The following KHDRBS3 variants were observed in gnomAD, a reference collection of about 807,000 sequenced individuals.
KHDRBS3 encodes KH RNA binding domain containing, signal transduction associated 3, also known as KH domain-containing, RNA-binding, signal transduction-associated protein 3.
A neutral mutation model predicts 45.6 loss-of-function variants in KHDRBS3; 23 were observed. The observed-to-expected ratio is 0.50, with a 90% confidence interval of 0.36 to 0.72. KHDRBS3 has a LOEUF of 0.72. Among genes scored for constraint, KHDRBS3 ranks in the 30% least tolerant of loss-of-function variants. The pLI, the probability that KHDRBS3 is intolerant of heterozygous loss-of-function variation, is 0.00. For synonymous variants in KHDRBS3, 162 were observed against 156.5 expected (o/e 1.04, Z -0.26); for missense variants, 352 against 424.8 (o/e 0.83, Z 1.51).
chr8:135,511,936 G>T (rs1422562710), intron 1 of KHDRBS3, among the ~76,000 whole-genome samples: 1 of 152,106 alleles, frequency 6.6e-6, no homozygotes, highest in African/African-American at 2.4e-5. Context: ...TCCCTAGATG[G>T]TATATTTATG....
At chr8:135,621,859 G>T (rs1263205365) in intron 7 of KHDRBS3, among the ~76,000 whole-genome samples, 3 of 152,116 alleles carry the variant, frequency 2.0e-5, no homozygotes, top group African/African-American at 7.2e-5. Flanking sequence ...TTTTGTGATG[G>T]ACCTTCATAC....
chr8:135,530,813 C>G (rs1429150970), intron 2 of KHDRBS3, among the ~76,000 whole-genome samples: 1 of 152,196 alleles, frequency 6.6e-6, no homozygotes, highest in Non-Finnish European at 1.5e-5. Flanking sequence ...CTGCTTGCCT[C>G]CATCCTTCAG....
downstream of KHDRBS3, among the ~76,000 whole-genome samples, chr8:135,651,402 G>A (rs1228496231): frequency 6.6e-6 from 1 of 151,856 alleles, no homozygotes; most frequent in African/African-American, 2.4e-5. Flanking sequence ...TTCACTCATT[G>A]GTTGCTATAT....
chr8:135,472,657 G>T (rs575298430), intron 1 of KHDRBS3, among the ~76,000 whole-genome samples: 4 of 152,342 alleles, frequency 2.6e-5, no homozygotes, highest in African/African-American at 9.6e-5. Flanking sequence ...TAAGGTTCTG[G>T]ATCACAGCTG....
intron 1 of KHDRBS3, among the ~76,000 whole-genome samples, chr8:135,459,556 A>G (rs941212170): frequency 2.0e-5 from 3 of 152,338 alleles, no homozygotes; most frequent in Middle Eastern, 3.4e-3. Flanking sequence ...TCTCTGTGAA[A>G]GAAATTTCTT....
At chr8:135,476,332 T>C (rs1822282183) in intron 1 of KHDRBS3, among the ~76,000 whole-genome samples, 1 of 152,060 alleles carries the variant, frequency 6.6e-6, no homozygotes, top group South Asian at 2.1e-4. Context: ...TCAGTAGAGA[T>C]GGGGTTTCAC....
At position 135,647,083 on chromosome 8, in the gene KHDRBS3, G is replaced by T; in HGVS notation, c.1040G>T (p.Ter347LeuextTer7). 1 of 1,561,704 alleles carries T rather than the reference G, an allele frequency of 6.4e-7. No homozygotes were observed. The change falls in exon 9 of 9, where the codon TGA becomes TTA. Residue 347 changes from the stop codon to leucine (L), a stop_lost. Coordinates refer to ENST00000355849, the MANE Select transcript of KHDRBS3 (RefSeq NM_006558.3). ...VYRDQPYGRY[*>L] ...AGAGACCAGCCATATGGCAGATACT[G>T]ATTGTACTGTCTGATGTTGTGAAAT...
chr8:135,590,825 A>G (rs1563790843), intron 6 of KHDRBS3, among the ~76,000 whole-genome samples: 1 of 152,232 alleles, frequency 6.6e-6, no homozygotes, highest in African/African-American at 2.4e-5. Flanking sequence ...TCATTTAATT[A>G]TGATTGCATC....
At chr8:135,551,372 A>G (rs1039241556) in intron 4 of KHDRBS3, among the ~76,000 whole-genome samples, 3 of 152,022 alleles carry the variant, frequency 2.0e-5, no homozygotes, top group Non-Finnish European at 1.5e-5. Flanking sequence ...ACCATTGGCT[A>G]TAGGTTTTTT....
intron 4 of KHDRBS3, among the ~76,000 whole-genome samples, chr8:135,553,887 A>T (rs1826741829): frequency 6.6e-6 from 1 of 152,172 alleles, no homozygotes; most frequent in Non-Finnish European, 1.5e-5. Flanking sequence ...AGTTAAAATG[A>T]TAATTTAAAA....
At chr8:135,496,175 A>C (rs1466697602) in intron 1 of KHDRBS3, among the ~76,000 whole-genome samples, 1 of 104,854 alleles carries the variant, frequency 9.5e-6, no homozygotes, top group East Asian at 3.7e-4. Context: ...CTGTAGAGAG[A>C]GGGAAAGGTC....
At chr8:135,500,248 G>C (rs1181647556) in intron 1 of KHDRBS3, among the ~76,000 whole-genome samples, 1 of 151,824 alleles carries the variant, frequency 6.6e-6, no homozygotes, top group Admixed American at 6.6e-5. Flanking sequence ...CCAGGATTTG[G>C]TAGTTTGGTT....
chr8:135,608,281 A>G (rs1475425494), intron 7 of KHDRBS3, among the ~76,000 whole-genome samples: 1 of 152,240 alleles, frequency 6.6e-6, no homozygotes, highest in Non-Finnish European at 1.5e-5. Flanking sequence ...TTTATAAATA[A>G]GTCCTTCTCA....
chr8:135,517,444 A>G (rs1824668836), intron 1 of KHDRBS3, among the ~76,000 whole-genome samples: 1 of 152,090 alleles, frequency 6.6e-6, no homozygotes, highest in African/African-American at 2.4e-5. Flanking sequence ...GGGTTTTTGA[A>G]TATGCAACTC....
intron 7 of KHDRBS3, among the ~76,000 whole-genome samples, chr8:135,626,865 A>G (rs1333992424): frequency 1.4e-5 from 2 of 143,046 alleles, no homozygotes; most frequent in Non-Finnish European, 3.2e-5. Flanking sequence ...TAAGGAAAAC[A>G]TTATTCTCCT....
At position 135,494,395 on chromosome 8, in the gene KHDRBS3, C is replaced by T. The variant is rs1031953668; in HGVS notation, c.89-26842C>T. Among the ~76,000 whole-genome samples the T allele has an allele frequency of 2.0e-5, 3 of 151,018 alleles. No homozygotes were observed. In the South Asian group the frequency reaches 6.3e-4, roughly 32 times the overall value. On this transcript the variant is annotated intron_variant, in intron 1 of 8. Transcript: ENST00000355849. ...CCGGGTTCACGCCATTCTCCTGCCT[C>T]AGCCTCCTGAGTAGCTGGGGCTACA... is the stretch of plus-strand genomic sequence containing the variant.
intron 1 of KHDRBS3, among the ~76,000 whole-genome samples, chr8:135,498,432 C>A (rs1823570270): frequency 6.6e-6 from 1 of 150,798 alleles, no homozygotes; most frequent in African/African-American, 2.4e-5. Flanking sequence ...CATGTCCTTT[C>A]TTTGATCTGA....
intron 1 of KHDRBS3, among the ~76,000 whole-genome samples, chr8:135,481,227 T>G (rs976415695): frequency 2.6e-4 from 14 of 54,556 alleles, no homozygotes; most frequent in African/African-American, 1.4e-3. Context: ...AGCCACGATA[T>G]ATATATATAT....
intron 4 of KHDRBS3, among the ~76,000 whole-genome samples, chr8:135,555,900 G>A (rs1002195065): frequency 4.6e-5 from 7 of 151,940 alleles, no homozygotes; most frequent in South Asian, 2.1e-4. Flanking sequence ...CCCATCCCTC[G>A]ACAGGAGCTG....
Sources: allele counts gnomAD v4.1 joint callset (sites outside exome capture counted in the v4.1 genomes callset), GRCh38; gene constraint gnomAD v4.1.1; transcripts MANE v1.5; gene names NCBI Gene and HGNC (gene_info 2026-07-23, HGNC 2026-07-21).